Variants in RSF1 observed in about 807,000 individuals in gnomAD.
The protein encoded by RSF1 is remodeling and spacing factor 1, also known as HBV pX-associated protein 8.
In RSF1, 13 loss-of-function variants were observed where a neutral mutation model predicts 145.2. The ratio of observed to expected loss-of-function variants is 0.09; its 90% CI spans 0.06 to 0.14. The LOEUF (loss-of-function observed/expected upper bound fraction) is 0.14, where lower values mean the gene tolerates loss of function less well. RSF1 is among the 10% of genes least tolerant of loss of function. RSF1 has a pLI of 1.00. For synonymous variants in RSF1, 577 were observed against 592.6 expected, an observed-to-expected ratio of 0.97 and a Z score of 0.38; for missense variants, 1,517 against 1,718.2, an observed-to-expected ratio of 0.88 and a Z score of 2.07.
chr11:77,755,289 G>A (rs1986474), intron 2 of RSF1, among the ~76,000 whole-genome samples: 19,607 of 152,092 alleles, frequency 0.13, 1,450 homozygotes, highest in Admixed American at 0.2. Context: ...AGTAAGCTGT[G>A]GTTTGGAGGT....
At chr11:77,727,291 A>G (rs1961077774) in intron 4 of RSF1, among the ~76,000 whole-genome samples, 1 of 152,122 alleles carries the variant, frequency 6.6e-6, no homozygotes, top group Non-Finnish European at 1.5e-5. Context: ...TGAGAATTCC[A>G]TATGTTAAAA....
At chr11:77,813,330 C>T (rs1948748558) in intron 1 of RSF1, 1 of 851,996 alleles carries the variant, frequency 1.2e-6, no homozygotes, top group Non-Finnish European at 2.0e-6. Context: ...TAAGCATCTG[C>T]AATGGTGACT....
intron 1 of RSF1, among the ~76,000 whole-genome samples, chr11:77,805,866 T>C (rs953445357): frequency 2.0e-5 from 3 of 152,146 alleles, no homozygotes; most frequent in African/African-American, 4.8e-5. Flanking sequence ...TTCAGCTGTT[T>C]CCCTCCTCAG....
intron 1 of RSF1, among the ~76,000 whole-genome samples, chr11:77,769,861 A>T (rs543282354): frequency 3.9e-5 from 6 of 152,370 alleles, no homozygotes; most frequent in African/African-American, 4.8e-5. Context: ...AAGCAGAGAT[A>T]CAGTTATGGA....
chr11:77,843,711 A>G, the RSF1 span, among the ~76,000 whole-genome samples: 1 of 152,210 alleles, frequency 6.6e-6, no homozygotes, highest in East Asian at 1.9e-4. Flanking sequence ...GTGTGAGATT[A>G]GGATGCCAGC....
chr11:77,683,871 T>C, intron 10 of RSF1, 52 bp from the exon 11 acceptor site: 1 of 1,380,500 alleles, frequency 7.2e-7, no homozygotes, highest in Middle Eastern at 2.1e-4. Flanking sequence ...CAGAACAAAG[T>C]TCCTTGGGAT....
At chr11:77,686,227 G>A (rs1365634971) in intron 9 of RSF1, among the ~76,000 whole-genome samples, 1 of 151,718 alleles carries the variant, frequency 6.6e-6, no homozygotes, top group Non-Finnish European at 1.5e-5. Flanking sequence ...ACAGTGAGAC[G>A]CCTGTTTCTA....
chr11:77,785,126 C>T (rs72931818), intron 1 of RSF1, among the ~76,000 whole-genome samples: 14,702 of 152,224 alleles, frequency 0.097, 1,059 homozygotes, highest in Admixed American at 0.18. Flanking sequence ...TGGTATAGGG[C>T]TCACTTCTTT....
chr11:77,798,148 CAT>C (rs1948590862), intron 1 of RSF1, among the ~76,000 whole-genome samples: 1 of 152,166 alleles, frequency 6.6e-6, no homozygotes, highest in South Asian at 2.1e-4. Context: ...CCAGCGATCC[CAT>C]TACTGGGGTA....
intron 7 of RSF1, among the ~76,000 whole-genome samples, chr11:77,697,487 AAT>A (rs1275274461): frequency 1.4e-4 from 2 of 14,738 alleles, no homozygotes; most frequent in Non-Finnish European, 2.3e-4. Context: ...TATAATATAT[AAT>A]ATATATAAAT....
rs1959573017 is a variant in RSF1, at chr11:77,672,177, G to A, written c.3616C>T (p.Arg1206Trp). 4 of 1,610,762 alleles carry A rather than the reference G, an allele frequency of 2.5e-6. No homozygotes were observed. The highest frequency in any genetic ancestry group is 3.4e-6 in the Non-Finnish European group (4 of 1,178,940). Residue 1206 changes from arginine to tryptophan, a missense_variant, in exon 15 of 16, where the codon CGG becomes TGG. Transcript: ENST00000308488. ...TGTCTTTTCTGATTTCTCCTTGACCGCCTTCGCCGAGTTTCTACAAAATCA... is the reference window on the plus strand; with the variant it reads ...TGTCTTTTCTGATTTCTCCTTGACCACCTTCGCCGAGTTTCTACAAAATCA... ...SDDFVETRRR[R>W]SRRNQKRQIN...
intron 1 of RSF1, among the ~76,000 whole-genome samples, chr11:77,813,868 A>G (rs1948756718): frequency 6.9e-6 from 1 of 144,962 alleles, no homozygotes; most frequent in Non-Finnish European, 1.5e-5. Context: ...GAGATAATGG[A>G]GAATTAATAC....
At chr11:77,836,947 A>G in the RSF1 span, among the ~76,000 whole-genome samples, 1 of 152,172 alleles carries the variant, frequency 6.6e-6, no homozygotes, top group African/African-American at 2.4e-5. Flanking sequence ...CCTGGGCAAC[A>G]AGAGCGAAAC....
chr11:77,730,214 CCTT>C (rs1438979152), intron 4 of RSF1, among the ~76,000 whole-genome samples: 12 of 151,976 alleles, frequency 7.9e-5, no homozygotes, highest in African/African-American at 2.9e-4. Flanking sequence ...ACTTTAGAGC[CCTT>C]CTTAATCACT....
intron 15 of RSF1, among the ~76,000 whole-genome samples, chr11:77,670,457 CT>C (rs1318381319): frequency 6.6e-6 from 1 of 152,102 alleles, no homozygotes; most frequent in Non-Finnish European, 1.5e-5. Context: ...ACCCCCTTTT[CT>C]CCTTTATTTT....
chr11:77,717,654 A>G (rs1454501683), intron 5 of RSF1: 6 of 152,220 alleles, frequency 3.9e-5, no homozygotes, highest in Non-Finnish European at 8.8e-5. Context: ...TAATGAACAC[A>G]TTGACTCATG....
chr11:77,740,331 C>T (rs1374995496), intron 4 of RSF1, among the ~76,000 whole-genome samples: 2 of 152,164 alleles, frequency 1.3e-5, no homozygotes, highest in African/African-American at 2.4e-5. Context: ...GCCGAGATTG[C>T]GCCATTGCAC....
In RSF1 at chr11:77,725,698, T is replaced by G. The variant is rs1590851894; in HGVS notation, c.580A>C (p.Asn194His). ...AGAGTCTCAGCCAACTCGTTTCGAT[T>G]TCTAAACAAGGAAAAAAATAAGACA... ...DGSSWKCIVRNRNELAETLAL... is the reference protein window; with the variant it reads ...DGSSWKCIVRHRNELAETLAL... The change falls in exon 5 of 16, where the codon AAT (asparagine) becomes CAT (histidine). Residue 194 changes from asparagine to histidine, a missense_variant and splice_region_variant. By Grantham distance (68) the Asn-to-His change is moderately conservative (BLOSUM62 1). Around this residue, in one of 12 missense-constraint regions of RSF1, gnomAD observed 4 missense variants for 19.0 expected, o/e 0.21. Coordinates refer to ENST00000308488, the MANE Select transcript of RSF1 (RefSeq NM_016578.4). 6.4e-7 allele frequency: 1 copy of G among 1,565,978 alleles called. No individual in the cohort carries two copies. Among genetic ancestry groups the G allele is most frequent in the East Asian group, 2.3e-5 (1 of 43,298 alleles).
At chr11:77,727,082 C>T (rs560079244) in intron 4 of RSF1, among the ~76,000 whole-genome samples, 2 of 152,272 alleles carry the variant, frequency 1.3e-5, no homozygotes, top group African/African-American at 2.4e-5. Context: ...AATAACCAGT[C>T]TAGAATTTTA....
Sources: gnomAD v4.1 joint callset for allele counts (sites outside exome capture counted in the v4.1 genomes callset) on GRCh38, gnomAD v4.1.1 for gene constraint, gnomAD v4.1.1 regional missense constraint, MANE v1.5 for transcripts, NCBI Gene and HGNC (gene_info 2026-07-23, HGNC 2026-07-21) for gene names.